KLRG1: variants seen among roughly 807,000 people sequenced by gnomAD.
The protein encoded by KLRG1 is killer cell lectin like receptor G1.
KLRG1 carries 16 observed loss-of-function variants against 21.8 expected under a neutral mutation model. That is an observed-to-expected ratio of 0.73 (90% CI 0.50 to 1.11). The LOEUF is 1.11. KLRG1 is among the 50% of genes most tolerant of loss of function. The probability of loss-of-function intolerance (pLI) is 0.00; values close to 1 mark genes in which losing one functional copy is unlikely to be tolerated. For synonymous variants in KLRG1, 69 were observed against 75.9 expected (o/e 0.91, Z 0.47); for missense variants, 173 against 218.3 (o/e 0.79, Z 1.31).
chr12:9,099,570 AT>A, the KLRG1 span: 2 of 1,563,636 alleles, frequency 1.3e-6, no homozygotes, highest in Non-Finnish European at 8.7e-7. Context: ...GTTAATGACT[AT>A]TTCCATTAGT....
chr12:9,102,215 C>CTAAT, the KLRG1 span, among the ~76,000 whole-genome samples: 23 of 152,110 alleles, frequency 1.5e-4, 1 homozygote, highest in East Asian at 4.2e-3. Flanking sequence ...AGGCTGATTG[C>CTAAT]TATTATTATT....
chr12:9,089,618 G>A, the KLRG1 span, among the ~76,000 whole-genome samples: 1 of 152,076 alleles, frequency 6.6e-6, no homozygotes, highest in East Asian at 1.9e-4. Context: ...GTGCACACCT[G>A]TAATCCCAGC....
downstream of KLRG1, among the ~76,000 whole-genome samples, chr12:9,013,640 G>A (rs182857089): frequency 9.3e-4 from 142 of 152,292 alleles, no homozygotes; most frequent in African/African-American, 3.4e-3. Context: ...GACAAGAGAA[G>A]AGAACTTGTG....
chr12:9,098,489 A>G, the KLRG1 span: 1 of 1,152,168 alleles, frequency 8.7e-7, no homozygotes, highest in Non-Finnish European at 1.2e-6. Flanking sequence ...AGCTCAAAGC[A>G]ATTAATTCCT....
chr12:9,106,476 A>C, the KLRG1 span: 1 of 1,525,378 alleles, frequency 6.6e-7, no homozygotes, highest in Non-Finnish European at 9.0e-7. Flanking sequence ...TCTTATACCC[A>C]TGTAGTACAC....
chr12:9,096,503 G>C, the KLRG1 span, among the ~76,000 whole-genome samples: 1 of 152,130 alleles, frequency 6.6e-6, no homozygotes, highest in South Asian at 2.1e-4. Flanking sequence ...GGACACGATG[G>C]CATTTTCTTA....
chr12:9,169,484 T>G, the KLRG1 span: 1 of 1,612,764 alleles, frequency 6.2e-7, no homozygotes. Context: ...CATAGATGGC[T>G]CCATTATGAA....
the KLRG1 span, chr12:9,113,570 G>C: frequency 6.2e-7 from 1 of 1,603,270 alleles, no homozygotes; most frequent in Admixed American, 1.7e-5. Context: ...TCAGTTAGAG[G>C]AAAGTGAAGG....
chr12:9,060,867 T>C, the KLRG1 span, among the ~76,000 whole-genome samples: 3 of 152,214 alleles, frequency 2.0e-5, no homozygotes, highest in African/African-American at 7.2e-5. Context: ...ACAATTAGAC[T>C]ATAAGATTTC....
chr12:9,127,213 G>C, the KLRG1 span, among the ~76,000 whole-genome samples: 1 of 152,156 alleles, frequency 6.6e-6, no homozygotes, highest in Non-Finnish European at 1.5e-5. Flanking sequence ...GGGTTGTTCT[G>C]TCTAGAATAA....
At chr12:9,133,831 AT>A in the KLRG1 span, among the ~76,000 whole-genome samples, 86 of 152,334 alleles carry the variant, frequency 5.6e-4, 1 homozygote, top group Admixed American at 1.5e-3. Flanking sequence ...TATACACACT[AT>A]TAAAAGTTGT....
the KLRG1 span, among the ~76,000 whole-genome samples, chr12:9,134,040 G>A: frequency 6.6e-5 from 10 of 152,172 alleles, no homozygotes; most frequent in Non-Finnish European, 1.3e-4. Flanking sequence ...AGTATAGATT[G>A]TTGGGTTTAA....
At chr12:8,978,728 C>CT (rs1169402139) in intron 1 of KLRG1, among the ~76,000 whole-genome samples, 1 of 123,154 alleles carries the variant, frequency 8.1e-6, no homozygotes. Context: ...TTCTTTCTTT[C>CT]TTTTTTTTTG....
chr12:9,013,073 G>A (rs761084003), downstream of KLRG1, among the ~76,000 whole-genome samples: 3 of 152,200 alleles, frequency 2.0e-5, no homozygotes, highest in Non-Finnish European at 4.4e-5. Context: ...TGGTAATCTA[G>A]TAAATTCTCC....
the KLRG1 span, chr12:9,157,950 C>T: frequency 2.8e-5 from 26 of 934,106 alleles, no homozygotes; most frequent in Non-Finnish European, 3.7e-5. Context: ...CAAAGTATAC[C>T]ATTTCCTTCT....
the KLRG1 span, among the ~76,000 whole-genome samples, chr12:9,143,745 C>T: frequency 2.0e-5 from 3 of 152,128 alleles, no homozygotes. Context: ...GGCCACGTTG[C>T]AATAAAAAGC....
the KLRG1 span, among the ~76,000 whole-genome samples, chr12:9,145,545 TCTTTTAA>T: frequency 2.0e-5 from 3 of 152,352 alleles, no homozygotes; most frequent in South Asian, 2.1e-4. Context: ...AATACTTTTC[TCTTTTAA>T]CTTTTAACTG....
chr12:9,148,647 C>T, the KLRG1 span, among the ~76,000 whole-genome samples: 2 of 152,244 alleles, frequency 1.3e-5, no homozygotes, highest in African/African-American at 4.8e-5. Context: ...CTATCATCCC[C>T]TTATGTTCTC....
intron 3 of KLRG1, among the ~76,000 whole-genome samples, chr12:8,999,709 G>C (rs911508947): frequency 1.3e-5 from 2 of 152,050 alleles, no homozygotes; most frequent in East Asian, 3.9e-4. Flanking sequence ...TAACCTTTTT[G>C]ACTCTCAGTT....
Sources: allele counts gnomAD v4.1 joint callset (sites outside exome capture counted in the v4.1 genomes callset), GRCh38; gene constraint gnomAD v4.1.1; transcripts MANE v1.5; gene names NCBI Gene and HGNC (gene_info 2026-07-23, HGNC 2026-07-21).